ABCG5: variants seen among roughly 807,000 people sequenced by gnomAD.
The protein encoded by ABCG5 is ATP-binding cassette sub-family G member 5.
Under a neutral mutation model 64.5 loss-of-function variants are expected in ABCG5, and 64 were observed. That is an observed-to-expected ratio of 0.99 (90% CI 0.81 to 1.22). The LOEUF (loss-of-function observed/expected upper bound fraction) is 1.22, where lower values mean the gene tolerates loss of function less well. Among genes scored for constraint, ABCG5 ranks in the 50% most tolerant of loss-of-function variants. The pLI, the probability that ABCG5 is intolerant of heterozygous loss-of-function variation, is 0.00. For synonymous variants in ABCG5, 385 were observed against 326.3 expected, an observed-to-expected ratio of 1.18 and a Z score of -1.94; for missense variants, 908 against 829.5, an observed-to-expected ratio of 1.09 and a Z score of -1.16.
downstream of ABCG5, among the ~76,000 whole-genome samples, chr2:43,811,865 A>G (rs1255946541): frequency 6.6e-6 from 1 of 152,180 alleles, no homozygotes; most frequent in African/African-American, 2.4e-5. Context: ...AAGTGCTGGG[A>G]TTACAGGCAT....
intron 2 of ABCG5, among the ~76,000 whole-genome samples, chr2:43,836,236 C>T (rs1159499341): frequency 3.3e-5 from 5 of 152,120 alleles, no homozygotes; most frequent in Admixed American, 6.5e-5. Flanking sequence ...CCACCGTGCC[C>T]GGCCTGGGAA....
At chr2:43,833,973 C>T (rs1482340017) in intron 2 of ABCG5, among the ~76,000 whole-genome samples, 1 of 152,178 alleles carries the variant, frequency 6.6e-6, no homozygotes, top group Non-Finnish European at 1.5e-5. Flanking sequence ...TGTGAGCGAC[C>T]GCACCTGGCC....
intron 6 of ABCG5, among the ~76,000 whole-genome samples, chr2:43,825,901 C>T (rs899351017): frequency 6.6e-6 from 1 of 152,148 alleles, no homozygotes; most frequent in Non-Finnish European, 1.5e-5. Context: ...ATGGTAGGTG[C>T]TGAAAGAAGT....
Position 43,838,503 on chromosome 2 carries a change from TG to T in ABCG5, c.143+33del. ...GGGTGAGCGCCGGGCCCCGCACTCCTGGGGGAGCAGCAGCAGCAAGGGCTCT... is the reference window on the plus strand; with the variant it reads ...GGGTGAGCGCCGGGCCCCGCACTCCTGGGGAGCAGCAGCAGCAAGGGCTCT... On this transcript the variant is annotated intron_variant, in intron 1 of 12. Coordinates refer to ENST00000405322, the MANE Select transcript of ABCG5 (RefSeq NM_022436.3). The surrounding 1 kb of genome is among the most constrained non-coding windows in gnomAD (Gnocchi z 4.2). 1.9e-6 allele frequency: 3 copies of T among 1,575,456 alleles called. No homozygotes were observed. The highest frequency in any genetic ancestry group is 1.7e-6 in the Non-Finnish European group (2 of 1,160,566).
At chr2:43,810,569 T>C, downstream of ABCG5, 1 of 955,250 alleles carries the variant, frequency 1.0e-6, no homozygotes, top group Non-Finnish European at 1.2e-6. Flanking sequence ...TCTATGTTCT[T>C]CCATGTCCAC....
intron 2 of ABCG5, 196 bp from the exon 3 acceptor site, chr2:43,832,279 C>T: frequency 1.5e-6 from 1 of 685,340 alleles, no homozygotes; most frequent in Non-Finnish European, 2.5e-6. Flanking sequence ...CAGTCTCACG[C>T]GCAAGTGAGT....
Position 43,838,082 on chromosome 2 carries a change from C to T in ABCG5, c.144-127G>A, listed in dbSNP as rs979638443. 2.3e-6 allele frequency: 3 copies of T among 1,313,236 alleles called. No homozygotes were observed. The highest frequency in any genetic ancestry group is 1.9e-5 in the Admixed American group (1 of 51,390). 81.3% of individuals were successfully genotyped at this position (1,313,236 alleles called of 1,614,324 possible). A position where few individuals can be genotyped will look rare whatever the true frequency, so the allele number is the denominator to read the frequency against. The stretch of plus-strand genomic sequence containing the variant: ...CTCCGGACAGGCTCCTAACGTGTTT[C>T]AGTCTCTGCGCCCTCCTCTGTAGAA... On this transcript the variant is annotated intron_variant, in intron 1 of 12. Coordinates refer to ENST00000405322, the MANE Select transcript of ABCG5 (RefSeq NM_022436.3). The surrounding 1 kb of genome is among the most constrained non-coding windows in gnomAD (Gnocchi z 4.2).
chr2:43,808,602 C>T (rs148557774), downstream of ABCG5, among the ~76,000 whole-genome samples: 210 of 152,234 alleles, frequency 1.4e-3, no homozygotes, highest in African/African-American at 4.9e-3. Context: ...AGGATAGCCA[C>T]CTCCACTAAA....
chr2:43,833,664 G>A (rs1199845821), intron 2 of ABCG5, among the ~76,000 whole-genome samples: 4 of 150,674 alleles, frequency 2.7e-5, no homozygotes, highest in Non-Finnish European at 5.9e-5. Context: ...GATTACAGGC[G>A]TGAGCCACCG....
downstream of ABCG5, among the ~76,000 whole-genome samples, chr2:43,807,728 T>C (rs183067222): frequency 3.3e-3 from 449 of 136,628 alleles, 1 homozygote; most frequent in African/African-American, 0.011. Flanking sequence ...TTCTTTTCTA[T>C]TATTTTTGTT....
downstream of ABCG5, among the ~76,000 whole-genome samples, chr2:43,808,296 C>T (rs1237134594): frequency 4.0e-5 from 6 of 151,138 alleles, no homozygotes; most frequent in East Asian, 1.2e-3. Context: ...AAAATTCTTC[C>T]TAAGTCTATA....
At chr2:43,836,686 A>G (rs1221552441) in intron 2 of ABCG5, among the ~76,000 whole-genome samples, 1 of 152,208 alleles carries the variant, frequency 6.6e-6, no homozygotes, top group Admixed American at 6.5e-5. Context: ...CTCTGGGGCA[A>G]TGACTGGCTG....
chr2:43,838,446 T>A lies in ABCG5; in HGVS notation c.143+91A>T. 7.7e-7 allele frequency: 1 copy of A among 1,294,308 alleles called. No homozygotes were observed. The highest frequency in any genetic ancestry group is 1.1e-6 in the Non-Finnish European group (1 of 922,556). 80.2% of individuals were successfully genotyped at this position (1,294,308 alleles called of 1,614,324 possible). A position where few individuals can be genotyped will look rare whatever the true frequency, so the allele number is the denominator to read the frequency against. ...AAGAGGGAGCCCGAAGTGCCCAGACTGGCACTTAAAGAGTGAAGAAAGGCA... is the reference window on the plus strand; with the variant it reads ...AAGAGGGAGCCCGAAGTGCCCAGACAGGCACTTAAAGAGTGAAGAAAGGCA... On this transcript the variant is annotated intron_variant, in intron 1 of 12. Transcript: ENST00000405322. The surrounding 1 kb of genome is among the most constrained non-coding windows in gnomAD (Gnocchi z 4.2).
intron 12 of ABCG5, among the ~76,000 whole-genome samples, 162 bp downstream of exon 12, chr2:43,814,315 T>C (rs902103048): frequency 2.6e-5 from 4 of 152,230 alleles, no homozygotes; most frequent in African/African-American, 9.6e-5. Context: ...GCTTATTTTC[T>C]TTCATCTTAA....
At chr2:43,836,398 T>G (rs1226391798) in intron 2 of ABCG5, among the ~76,000 whole-genome samples, 2 of 152,144 alleles carry the variant, frequency 1.3e-5, no homozygotes, top group Admixed American at 1.3e-4. Flanking sequence ...TTGAAGAGAA[T>G]AACACAAGTA....
chr2:43,824,538 A>G, intron 7 of ABCG5, 106 bp from the exon 8 acceptor site: 1 of 1,591,872 alleles, frequency 6.3e-7, no homozygotes, highest in Non-Finnish European at 8.5e-7. Flanking sequence ...TCATCCCATC[A>G]AGATAAAATT....
Position 43,838,382 on chromosome 2 carries a change from A to G in ABCG5, c.143+155T>C, listed in dbSNP as rs1668416085. 1 of 726,138 alleles carries G rather than the reference A, an allele frequency of 1.4e-6. No homozygotes were observed. The highest frequency in any genetic ancestry group is 1.9e-5 in the South Asian group (1 of 53,706). 45.0% of individuals were successfully genotyped at this position (726,138 alleles called of 1,614,324 possible). On this transcript the variant is annotated intron_variant, in intron 1 of 12. Coordinates refer to ENST00000405322, the MANE Select transcript of ABCG5 (RefSeq NM_022436.3). The surrounding 1 kb of genome is among the most constrained non-coding windows in gnomAD (Gnocchi z 4.2). ...TCACTGTCGCTCCATGTTTCCCAGC[A>G]CAGCCCTTCTCCCTCTCCTCTCTCC...
chr2:43,822,513 G>A, intron 10 of ABCG5: 1 of 969,576 alleles, frequency 1.0e-6, no homozygotes, highest in Non-Finnish European at 1.2e-6. Context: ...AGCTACTTCA[G>A]AGTCCTCTCT....
downstream of ABCG5, chr2:43,810,525 G>A (rs1666445104): frequency 1.0e-6 from 1 of 984,660 alleles, no homozygotes; most frequent in Non-Finnish European, 1.2e-6. Context: ...TTCATTTTGA[G>A]TAAGTATAAT....
Sources: gnomAD v4.1 joint callset for allele counts (sites outside exome capture counted in the v4.1 genomes callset) on GRCh38, gnomAD v4.1.1 for gene constraint, Gnocchi (gnomAD v3.1) non-coding constraint, MANE v1.5 for transcripts, NCBI Gene and HGNC (gene_info 2026-07-23, HGNC 2026-07-21) for gene names.